PCDH15: variants seen among roughly 807,000 people sequenced by gnomAD.
The protein encoded by PCDH15 is protocadherin-15.
PCDH15 carries 129 observed loss-of-function variants against 178.5 expected under a neutral mutation model. That is an observed-to-expected ratio of 0.72 (90% CI 0.63 to 0.84). The LOEUF (loss-of-function observed/expected upper bound fraction) is 0.84. Among genes scored for constraint, PCDH15 ranks in the 40% least tolerant of loss-of-function variants. The pLI, the probability that PCDH15 is intolerant of heterozygous loss-of-function variation, is 0.00. For synonymous variants in PCDH15, 800 were observed against 732.0 expected, an observed-to-expected ratio of 1.09 and a Z score of -1.50; for missense variants, 2,230 against 2,099.9, an observed-to-expected ratio of 1.06 and a Z score of -1.21.
At chr10:55,540,117 A>C (rs1230664877) in intron 2 of PCDH15, among the ~76,000 whole-genome samples, 1 of 152,148 alleles carries the variant, frequency 6.6e-6, no homozygotes, top group Non-Finnish European at 1.5e-5. Context: ...CAATTGATAC[A>C]ACTCAGATTG....
intron 2 of PCDH15, among the ~76,000 whole-genome samples, chr10:55,533,815 T>A (rs553192455): frequency 1.3e-5 from 2 of 151,980 alleles, no homozygotes; most frequent in South Asian, 4.1e-4. Context: ...GGCACCACAC[T>A]ACCCAACTTC....
At chr10:55,309,797 C>A (rs1302572963) in intron 1 of PCDH15, among the ~76,000 whole-genome samples, 1 of 152,188 alleles carries the variant, frequency 6.6e-6, no homozygotes, top group Non-Finnish European at 1.5e-5. Context: ...TTACATTCCA[C>A]CATGTCCCAC....
chr10:54,521,621 AT>A (rs1445870115), intron 3 of PCDH15, among the ~76,000 whole-genome samples: 1 of 152,130 alleles, frequency 6.6e-6, no homozygotes, highest in Non-Finnish European at 1.5e-5. Flanking sequence ...GTACCACACT[AT>A]GAAATTTTCT....
intron 18 of PCDH15, among the ~76,000 whole-genome samples, chr10:54,053,391 T>C (rs879346085): frequency 1.3e-5 from 2 of 152,192 alleles, no homozygotes; most frequent in Non-Finnish European, 2.9e-5. Flanking sequence ...AAGCCAAGCG[T>C]TGGGCTATGT....
intron 2 of PCDH15, among the ~76,000 whole-genome samples, chr10:55,068,367 C>G (rs1468998948): frequency 6.6e-6 from 1 of 151,936 alleles, no homozygotes; most frequent in African/African-American, 2.4e-5. Context: ...TGTCCTTTCC[C>G]CAGTGAATTT....
chr10:54,677,240 G>A (rs541409613), intron 1 of PCDH15, among the ~76,000 whole-genome samples: 2 of 152,180 alleles, frequency 1.3e-5, no homozygotes, highest in African/African-American at 4.8e-5. Flanking sequence ...TTAGCCGGGA[G>A]TAAGGGCACA....
intron 2 of PCDH15, among the ~76,000 whole-genome samples, chr10:55,478,119 A>G (rs1840100045): frequency 6.6e-6 from 1 of 151,764 alleles, no homozygotes; most frequent in African/African-American, 2.4e-5. Flanking sequence ...AAGAGGAAAT[A>G]ATAAATGTAA....
At chr10:54,864,862 G>A (rs1953908143) in intron 3 of PCDH15, 1 of 152,098 alleles carries the variant, frequency 6.6e-6, no homozygotes, top group Non-Finnish European at 1.5e-5. Context: ...ACAAATATCA[G>A]AAGGAACACC....
intron 2 of PCDH15, among the ~76,000 whole-genome samples, chr10:55,149,610 A>C (rs986225919): frequency 6.6e-6 from 1 of 152,098 alleles, no homozygotes; most frequent in African/African-American, 2.4e-5. Flanking sequence ...TTATGGCTTC[A>C]TATACTGAAG....
chr10:54,899,269 G>A (rs1287003275), intron 2 of PCDH15, among the ~76,000 whole-genome samples: 1 of 151,948 alleles, frequency 6.6e-6, no homozygotes, highest in Non-Finnish European at 1.5e-5. Context: ...GTATTTTTTA[G>A]TTCTTTAATT....
intron 2 of PCDH15, among the ~76,000 whole-genome samples, chr10:54,950,445 A>G (rs2131873739): frequency 6.6e-6 from 1 of 152,088 alleles, no homozygotes; most frequent in South Asian, 2.1e-4. Context: ...GATGGTTTTA[A>G]AATCATGAGT....
At chr10:55,551,663 A>T (rs1447584225) in intron 2 of PCDH15, among the ~76,000 whole-genome samples, 1 of 151,854 alleles carries the variant, frequency 6.6e-6, no homozygotes, top group African/African-American at 2.4e-5. Context: ...ATATGAATAG[A>T]GGAAGGACTC....
At chr10:55,065,598 G>C (rs3905359) in intron 2 of PCDH15, among the ~76,000 whole-genome samples, 10,893 of 152,000 alleles carry the variant, frequency 0.072, 513 homozygotes, top group East Asian at 0.25. Context: ...AGTAGATACT[G>C]TTTCCTTACC....
chr10:54,673,404 T>A (rs2094714783), intron 1 of PCDH15, among the ~76,000 whole-genome samples: 1 of 152,108 alleles, frequency 6.6e-6, no homozygotes, highest in African/African-American at 2.4e-5. Flanking sequence ...TTATTAGATA[T>A]AGTTGGTAAT....
At chr10:54,135,515 G>A (rs918832528) in intron 14 of PCDH15, among the ~76,000 whole-genome samples, 6 of 152,270 alleles carry the variant, frequency 3.9e-5, no homozygotes, top group East Asian at 3.9e-4. Flanking sequence ...CAAAAGAATC[G>A]TCATTCTGAG....
intron 1 of PCDH15, among the ~76,000 whole-genome samples, chr10:54,786,320 A>G (rs972701399): frequency 2.0e-5 from 3 of 152,036 alleles, no homozygotes; most frequent in Admixed American, 6.6e-5. Flanking sequence ...CAGACACATG[A>G]TTCTACTACT....
chr10:55,205,400 T>G (rs1217797968), intron 1 of PCDH15, among the ~76,000 whole-genome samples: 1 of 151,966 alleles, frequency 6.6e-6, no homozygotes, highest in Non-Finnish European at 1.5e-5. Flanking sequence ...TAGCAACATA[T>G]GTAGGACATA....
chr10:55,368,209 T>G (rs1374519913), intron 2 of PCDH15, among the ~76,000 whole-genome samples: 1 of 152,106 alleles, frequency 6.6e-6, no homozygotes, highest in East Asian at 1.9e-4. Context: ...TTTTTGTCAA[T>G]GATTTCATGT....
At chr10:54,897,531 G>C (rs1591769702) in intron 2 of PCDH15, 1 of 152,186 alleles carries the variant, frequency 6.6e-6, no homozygotes, top group Middle Eastern at 3.4e-3. Flanking sequence ...TTCAGTCAAA[G>C]GCATTTTCTA....
Sources: allele counts gnomAD v4.1 joint callset (sites outside exome capture counted in the v4.1 genomes callset), GRCh38; gene constraint gnomAD v4.1.1; transcripts MANE v1.5; gene names NCBI Gene and HGNC (gene_info 2026-07-23, HGNC 2026-07-21).